Variants in OGDH observed in about 807,000 individuals in gnomAD.
The protein encoded by OGDH is oxoglutarate dehydrogenase, also known as 2-oxoglutarate dehydrogenase complex component E1.
In OGDH, 38 loss-of-function variants were observed where a neutral mutation model predicts 116.6. The observed-to-expected ratio is 0.33, with a 90% confidence interval of 0.25 to 0.43. OGDH has a LOEUF of 0.43. OGDH is among the 20% of genes least tolerant of loss of function. The pLI is 1.00. For missense variants in OGDH, 825 were observed against 1,357.2 expected, an observed-to-expected ratio of 0.61 and a Z score of 6.16; for synonymous variants, 488 against 533.3, an observed-to-expected ratio of 0.92 and a Z score of 1.17.
Position 44,624,420 on chromosome 7 carries a change from A to G in OGDH, c.77A>G (p.Asn26Ser). The stretch of plus-strand genomic sequence containing the variant: ...CAGACTGTTAAGACATTTTCACAAA[A>G]CAGACCAGCAGCAGCTAGGACATTT... ...ASQTVKTFSQ[N>S]RPAAARTFQQ... is the part of the protein sequence containing the mutation. The change falls in exon 2 of 23, where the codon AAC (asparagine) becomes AGC (serine). Residue 26 changes from asparagine (N) to serine (S), a missense_variant. Physicochemically the swap from Asn to Ser is conservative, Grantham distance 46. Transcript: ENST00000222673. The G allele has an allele frequency of 6.2e-7, 1 of 1,613,040 alleles. No individual in the cohort carries two copies.
chr7:44,637,221 A>G (rs1479190808), intron 2 of OGDH, among the ~76,000 whole-genome samples: 1 of 151,884 alleles, frequency 6.6e-6, no homozygotes, highest in Non-Finnish European at 1.5e-5. Flanking sequence ...TCTTTGGCCA[A>G]ATGTCTTCTC....
chr7:44,700,376 C>A, intron 19 of OGDH, 107 bp downstream of exon 19: 1 of 1,412,948 alleles, frequency 7.1e-7, no homozygotes, highest in South Asian at 1.3e-5. Context: ...AGGTGGGCAC[C>A]TGCAGGGGTA....
chr7:44,659,849 G>A lies in OGDH; in HGVS notation c.518-6887G>A, dbSNP rs534563776. ...TTGTCAGTCTTGTAAGAGATTTGTC[G>A]ATGTTACTAATCTTTTCAAAGAACC... is the stretch of plus-strand genomic sequence containing the variant. On this transcript the variant is annotated intron_variant, in intron 4 of 22. Transcript: ENST00000222673. Among the ~76,000 whole-genome samples, 5 of 152,192 alleles carry A rather than the reference G, an allele frequency of 3.3e-5. No homozygotes were observed. The South Asian group carries it at 6.2e-4, about 19-fold the overall frequency.
intron 2 of OGDH, among the ~76,000 whole-genome samples, chr7:44,640,320 T>C (rs969628361): frequency 6.6e-6 from 1 of 152,174 alleles, no homozygotes; most frequent in South Asian, 2.1e-4. Context: ...AAATTCTGCC[T>C]GAGCCCACAT....
chr7:44,626,940 T>C (rs1336558363), intron 2 of OGDH, among the ~76,000 whole-genome samples: 1 of 152,148 alleles, frequency 6.6e-6, no homozygotes, highest in Non-Finnish European at 1.5e-5. Flanking sequence ...TGGGTCCTCT[T>C]TAAGTTGAAT....
intron 10 of OGDH, among the ~76,000 whole-genome samples, chr7:44,689,392 CTTTTTTTTTT>C (rs561058807): frequency 2.8e-5 from 2 of 71,220 alleles, no homozygotes; most frequent in African/African-American, 1.2e-4. Flanking sequence ...ATTTTTTTTT[CTTTTTTTTTT>C]TTTTTTTTTT....
Position 44,624,224 on chromosome 7 carries a change from T to G in OGDH, c.-27-93T>G. ...GTAGCTTTTAAAAAAAAATTATCCT[T>G]TCTCTAGAGCATCAGGATCTAGTAG... On this transcript the variant is annotated intron_variant, in intron 1 of 22. Coordinates refer to ENST00000222673, the MANE Select transcript of OGDH (RefSeq NM_002541.4). The G allele has an allele frequency of 3.6e-6, 3 of 835,582 alleles. No homozygotes were observed. The South Asian group carries it at 5.1e-5, about 14-fold the overall frequency. The allele number at this position is 835,582 out of a possible 1,614,324, so 51.8% of individuals were successfully genotyped here.
At chr7:44,671,709 A>G (rs568333605) in intron 5 of OGDH, among the ~76,000 whole-genome samples, 287 of 147,474 alleles carry the variant, frequency 1.9e-3, no homozygotes, top group African/African-American at 7.0e-3. Flanking sequence ...CGGAGGTTGC[A>G]GTGAGCTGGG....
chr7:44,642,086 G>A (rs6956755), intron 2 of OGDH, among the ~76,000 whole-genome samples: 7,594 of 152,152 alleles, frequency 0.05, 596 homozygotes, highest in African/African-American at 0.17. Flanking sequence ...CCAAACCCTG[G>A]GTTTCTTTAG....
chr7:44,624,657 C>A, intron 2 of OGDH, 92 bp downstream of exon 2: 1 of 1,108,396 alleles, frequency 9.0e-7, no homozygotes, highest in South Asian at 1.3e-5. Flanking sequence ...CCTGAGGAGT[C>A]AGCGGGCAGA....
chr7:44,675,376 A>G, intron 8 of OGDH, 108 bp downstream of exon 8: 1 of 887,404 alleles, frequency 1.1e-6, no homozygotes, highest in Non-Finnish European at 1.8e-6. Flanking sequence ...CTTCTGTACC[A>G]TTTGTGATTT....
intron 10 of OGDH, among the ~76,000 whole-genome samples, chr7:44,692,227 G>A (rs1788395143): frequency 6.6e-6 from 1 of 152,126 alleles, no homozygotes; most frequent in Admixed American, 6.6e-5. Context: ...CAGCAACATT[G>A]TGTTTACCAC....
At chr7:44,673,306 C>T (rs915510876) in intron 5 of OGDH, among the ~76,000 whole-genome samples, 1 of 152,036 alleles carries the variant, frequency 6.6e-6, no homozygotes, top group African/African-American at 2.4e-5. Context: ...TGACAGAGAC[C>T]CTGCCTCAAA....
At chr7:44,675,293 T>A in intron 8 of OGDH, 25 bp downstream of exon 8, 1 of 1,590,198 alleles carries the variant, frequency 6.3e-7, no homozygotes, top group Non-Finnish European at 8.6e-7. Context: ...TAGAGACACA[T>A]CCAGCATAGC....
At chr7:44,609,709 T>C (rs1784492301) in intron 1 of OGDH, among the ~76,000 whole-genome samples, 1 of 152,168 alleles carries the variant, frequency 6.6e-6, no homozygotes, top group Admixed American at 6.6e-5. Flanking sequence ...CCAAGATAAA[T>C]GCCCAGGAAT....
At chr7:44,660,107 G>A (rs547911275) in intron 4 of OGDH, among the ~76,000 whole-genome samples, 1 of 152,184 alleles carries the variant, frequency 6.6e-6, no homozygotes, top group South Asian at 2.1e-4. Flanking sequence ...TACAAAGTTT[G>A]ATATGTTATA....
chr7:44,683,369 T>C (rs1232515604), intron 10 of OGDH, among the ~76,000 whole-genome samples: 1 of 152,018 alleles, frequency 6.6e-6, no homozygotes, highest in African/African-American at 2.4e-5. Flanking sequence ...GCAAGGACTA[T>C]AGACGTGCAC....
At chr7:44,661,111 G>A (rs753685201) in intron 4 of OGDH, among the ~76,000 whole-genome samples, 2 of 152,128 alleles carry the variant, frequency 1.3e-5, no homozygotes, top group Non-Finnish European at 2.9e-5. Context: ...CAGATTTGGG[G>A]TCACTTATTT....
Position 44,694,397 on chromosome 7 carries a change from C to G in OGDH, c.1516-27C>G. On this transcript the variant is annotated intron_variant, in intron 11 of 22. Coordinates refer to ENST00000222673, the MANE Select transcript of OGDH (RefSeq NM_002541.4). This position sits in a 1 kb window ranked among gnomAD's most constrained non-coding sequence, Gnocchi z 4.2. ...CTTCCCAAGGGGCCAGCCCTTGTCT[C>G]TGACATCCTCTCACTGCTCTGAGCA... 1.9e-6 allele frequency: 3 copies of G among 1,612,150 alleles called. No homozygotes were observed. The highest frequency in any genetic ancestry group is 2.5e-6 in the Non-Finnish European group (3 of 1,179,166).
Sources: allele counts gnomAD v4.1 joint callset (sites outside exome capture counted in the v4.1 genomes callset), GRCh38; gene constraint gnomAD v4.1.1; non-coding constraint Gnocchi (gnomAD v3.1); transcripts MANE v1.5; gene names NCBI Gene and HGNC (gene_info 2026-07-23, HGNC 2026-07-21).